The following LPXN variants were observed in gnomAD, a reference collection of about 807,000 sequenced individuals.
The protein encoded by LPXN is leupaxin.
In LPXN, 28 loss-of-function variants were observed where a neutral mutation model predicts 45.6. The ratio of observed to expected loss-of-function variants is 0.61; its 90% CI spans 0.45 to 0.84. The LOEUF (loss-of-function observed/expected upper bound fraction) is 0.84, where lower values mean the gene tolerates loss of function less well. LPXN is among the 40% of genes least tolerant of loss of function. The probability of loss-of-function intolerance (pLI) is 0.00; values close to 1 mark genes in which losing one functional copy is unlikely to be tolerated. For missense variants in LPXN, 459 were observed against 475.0 expected (o/e 0.97, Z 0.31); for synonymous variants, 166 against 169.9 (o/e 0.98, Z 0.18).
intron 7 of LPXN, among the ~76,000 whole-genome samples, chr11:58,542,520 C>T (rs988823355): frequency 5.9e-5 from 9 of 151,640 alleles, no homozygotes; most frequent in African/African-American, 1.9e-4. Context: ...AAGAAGAAAA[C>T]ATTATGTTTA....
At chr11:58,532,477 T>C (rs1853421464) in intron 7 of LPXN, among the ~76,000 whole-genome samples, 1 of 152,216 alleles carries the variant, frequency 6.6e-6, no homozygotes, top group Admixed American at 6.5e-5. Flanking sequence ...CAGCACTCTG[T>C]GTCTGGCTCA....
upstream of LPXN, among the ~76,000 whole-genome samples, chr11:58,578,484 G>A (rs1374313905): frequency 6.6e-6 from 1 of 152,124 alleles, no homozygotes; most frequent in East Asian, 1.9e-4. Flanking sequence ...CCGTTTTGCC[G>A]CCGCCATTTT....
chr11:58,549,654 T>C (rs1302386961), intron 7 of LPXN, 132 bp downstream of exon 7: 1 of 640,312 alleles, frequency 1.6e-6, no homozygotes, highest in Non-Finnish European at 2.8e-6. Context: ...GGAGGGATGG[T>C]ATCTAGTACT....
Position 58,528,282 on chromosome 11 carries a change from C to A in LPXN, c.743-91G>T. Reference sequence around the variant, plus strand: ...GAGGAGGCCCTTTCAATCTCAGTGTCCTCATATTCAAAATAGGATGATTAC... The same window carrying A: ...GAGGAGGCCCTTTCAATCTCAGTGTACTCATATTCAAAATAGGATGATTAC... On this transcript the variant is annotated intron_variant, in intron 7 of 8. Transcript: ENST00000395074. 3 of 1,140,282 alleles carry A rather than the reference C, an allele frequency of 2.6e-6. No homozygotes were observed. The Admixed American group carries it at 6.5e-5, about 25-fold the overall frequency. The allele number at this position is 1,140,282 out of a possible 1,614,324, so 70.6% of individuals were successfully genotyped here. A position where few individuals can be genotyped will look rare whatever the true frequency, so the allele number is the denominator to read the frequency against.
upstream of LPXN, chr11:58,578,237 C>A (rs1854969570): frequency 4.6e-6 from 3 of 657,404 alleles, no homozygotes; most frequent in Admixed American, 6.7e-5. Context: ...CGCGTCGCGA[C>A]CTAACCCGGA....
chr11:58,565,315 C>T (rs945274406), intron 2 of LPXN, among the ~76,000 whole-genome samples: 5 of 151,828 alleles, frequency 3.3e-5, no homozygotes, highest in African/African-American at 4.8e-5. Flanking sequence ...AGGCGGATCA[C>T]GAGGTCAGGA....
At chr11:58,556,116 A>G (rs1190252915) in intron 3 of LPXN, among the ~76,000 whole-genome samples, 1 of 152,120 alleles carries the variant, frequency 6.6e-6, no homozygotes, top group Non-Finnish European at 1.5e-5. Context: ...GCATGTGTGA[A>G]GAGAGAAGGT....
At chr11:58,533,394 A>T (rs1172632810) in intron 7 of LPXN, among the ~76,000 whole-genome samples, 3 of 152,228 alleles carry the variant, frequency 2.0e-5, no homozygotes, top group Non-Finnish European at 4.4e-5. Context: ...AGCATTTTCA[A>T]CCCAGAATTT....
At chr11:58,557,107 G>T (rs1479508278) in intron 3 of LPXN, among the ~76,000 whole-genome samples, 3 of 152,078 alleles carry the variant, frequency 2.0e-5, no homozygotes, top group Non-Finnish European at 4.4e-5. Flanking sequence ...AATGTAGATT[G>T]TTACAGCCAT....
chr11:58,555,956 T>A (rs1854190047), intron 3 of LPXN, among the ~76,000 whole-genome samples: 1 of 152,012 alleles, frequency 6.6e-6, no homozygotes. Flanking sequence ...CATAAATTAG[T>A]GAAACAGAAA....
At chr11:58,554,768 G>A in intron 4 of LPXN, 73 bp downstream of exon 4, 1 of 1,098,314 alleles carries the variant, frequency 9.1e-7, no homozygotes, top group Non-Finnish European at 1.3e-6. Flanking sequence ...AGATAAACTG[G>A]TGACCCCATG....
intron 7 of LPXN, among the ~76,000 whole-genome samples, chr11:58,530,620 C>G (rs1853360011): frequency 6.6e-6 from 1 of 152,194 alleles, no homozygotes; most frequent in East Asian, 1.9e-4. Flanking sequence ...TGGCTGTGGG[C>G]ACAGCTTCAG....
chr11:58,565,753 C>T (rs1419952713), intron 2 of LPXN, among the ~76,000 whole-genome samples: 2 of 152,164 alleles, frequency 1.3e-5, no homozygotes, highest in East Asian at 1.9e-4. Context: ...GAGGCTGAGG[C>T]ACGTGCATCA....
chr11:58,539,206 A>C (rs1853643848), intron 7 of LPXN, among the ~76,000 whole-genome samples: 1 of 152,198 alleles, frequency 6.6e-6, no homozygotes, highest in Non-Finnish European at 1.5e-5. Flanking sequence ...GCTACTCAGA[A>C]GGCTGATGTG....
intron 5 of LPXN, among the ~76,000 whole-genome samples, chr11:58,550,432 T>C (rs976291807): frequency 6.6e-6 from 1 of 152,160 alleles, no homozygotes; most frequent in African/African-American, 2.4e-5. Flanking sequence ...AGAAACAACA[T>C]ATAGCACATT....
chr11:58,557,797 T>C (rs1411710180), intron 3 of LPXN, among the ~76,000 whole-genome samples: 5 of 152,182 alleles, frequency 3.3e-5, no homozygotes, highest in African/African-American at 1.2e-4. Context: ...TTACTAACTA[T>C]TCATAACCCA....
intron 7 of LPXN, among the ~76,000 whole-genome samples, chr11:58,544,681 T>A (rs1853826351): frequency 6.6e-6 from 1 of 152,098 alleles, no homozygotes; most frequent in East Asian, 1.9e-4. Context: ...TCTTGGAGGA[T>A]CTCTTTGGGA....
At chr11:58,552,170 A>G (rs1854071892) in intron 4 of LPXN, among the ~76,000 whole-genome samples, 1 of 152,242 alleles carries the variant, frequency 6.6e-6, no homozygotes, top group African/African-American at 2.4e-5. Flanking sequence ...GAGTGAATAC[A>G]GGGAGATTTT....
intron 3 of LPXN, among the ~76,000 whole-genome samples, chr11:58,563,713 T>C (rs1854446754): frequency 6.6e-6 from 1 of 152,202 alleles, no homozygotes; most frequent in Non-Finnish European, 1.5e-5. Context: ...TGAGCAAATA[T>C]GGAAAGAAAA....
Sources: allele counts gnomAD v4.1 joint callset (sites outside exome capture counted in the v4.1 genomes callset), GRCh38; gene constraint gnomAD v4.1.1; transcripts MANE v1.5; gene names NCBI Gene and HGNC (gene_info 2026-07-23, HGNC 2026-07-21).